NT5DC3: variants seen among roughly 807,000 people sequenced by gnomAD.
NT5DC3 encodes the protein 5'-nucleotidase domain containing 3.
Under a neutral mutation model 67.8 loss-of-function variants are expected in NT5DC3, and 42 were observed. The observed-to-expected ratio is 0.62, with a 90% CI of 0.48 to 0.80. The LOEUF (loss-of-function observed/expected upper bound fraction) is 0.80. Among genes scored for constraint, NT5DC3 ranks in the 30% least tolerant of loss-of-function variants. NT5DC3 has a pLI of 0.00. For missense variants in NT5DC3, 570 were observed against 696.4 expected, an observed-to-expected ratio of 0.82 and a Z score of 2.04; for synonymous variants, 237 against 255.6, an observed-to-expected ratio of 0.93 and a Z score of 0.69.
chr12:103,818,238 T>C (rs1481087685), intron 1 of NT5DC3, among the ~76,000 whole-genome samples: 2 of 152,198 alleles, frequency 1.3e-5, no homozygotes. Context: ...AAGGCACATG[T>C]ATGAACCAAT....
downstream of NT5DC3, among the ~76,000 whole-genome samples, chr12:103,768,109 AT>A (rs1449317157): frequency 3.1e-5 from 4 of 127,124 alleles, no homozygotes; most frequent in South Asian, 4.9e-4. Context: ...AAAAAAAAAA[AT>A]TTAACACTTG....
chr12:103,820,312 A>C (rs1414694993), intron 1 of NT5DC3, among the ~76,000 whole-genome samples: 1 of 152,164 alleles, frequency 6.6e-6, no homozygotes, highest in African/African-American at 2.4e-5. Context: ...TGTTTTAGGA[A>C]CTGCCCTACT....
intron 2 of NT5DC3, among the ~76,000 whole-genome samples, chr12:103,813,860 C>T (rs1240231903): frequency 3.3e-5 from 5 of 152,172 alleles, no homozygotes; most frequent in African/African-American, 1.2e-4. Flanking sequence ...GTCTGGTACT[C>T]GAATGGTTAA....
the NT5DC3 span, chr12:103,758,065 C>T: frequency 2.6e-6 from 4 of 1,530,426 alleles, no homozygotes; most frequent in Non-Finnish European, 3.5e-6. Context: ...AGTTGGCTCA[C>T]ACCATGAATA....
At chr12:103,788,488 G>T (rs1460050842) in intron 10 of NT5DC3, among the ~76,000 whole-genome samples, 1 of 152,140 alleles carries the variant, frequency 6.6e-6, no homozygotes, top group African/African-American at 2.4e-5. Flanking sequence ...TACAAAACAT[G>T]TATTGTCAGA....
At chr12:103,753,100 C>A in the NT5DC3 span, 1 of 1,251,730 alleles carries the variant, frequency 8.0e-7, no homozygotes, top group Admixed American at 2.7e-5. Context: ...GGGAAAGTGG[C>A]TTCTGGAGAC....
chr12:103,836,222 C>T (rs1022014172), intron 1 of NT5DC3, among the ~76,000 whole-genome samples: 19 of 152,170 alleles, frequency 1.2e-4, no homozygotes, highest in Non-Finnish European at 2.6e-4. Context: ...CAAAACCAAT[C>T]ATGCCTTCCC....
At position 103,806,305 on chromosome 12, in the gene NT5DC3, T is replaced by C. The variant is rs1372407797; in HGVS notation, c.524+17A>G. The C allele has an allele frequency of 6.4e-7, 1 of 1,552,286 alleles. No homozygotes were observed. Among genetic ancestry groups the C allele is most frequent in the Admixed American group, 1.7e-5 (1 of 59,916 alleles). ...GGTTACTTCACGTAAATTAAATGTA[T>C]CTCCTCTTACTCTTACCTGTAGACA... On this transcript the variant is annotated intron_variant, in intron 4 of 13. Coordinates refer to ENST00000392876, the MANE Select transcript of NT5DC3 (RefSeq NM_001031701.3).
At chr12:103,813,387 A>G (rs181373874) in intron 2 of NT5DC3, among the ~76,000 whole-genome samples, 102 of 152,336 alleles carry the variant, frequency 6.7e-4, no homozygotes, top group Non-Finnish European at 1.0e-3. Context: ...GTGGTTTTAC[A>G]TCTAGTAAAG....
chr12:103,793,826 A>G, intron 7 of NT5DC3, 111 bp downstream of exon 7: 1 of 831,796 alleles, frequency 1.2e-6, no homozygotes, highest in Middle Eastern at 2.3e-4. Flanking sequence ...GTCCTTACAG[A>G]GCACTCATGC....
the NT5DC3 span, among the ~76,000 whole-genome samples, chr12:103,757,030 TAA>T: frequency 7.0e-6 from 1 of 143,072 alleles, no homozygotes; most frequent in Non-Finnish European, 1.5e-5. Flanking sequence ...TATATATATA[TAA>T]AATATATATA....
rs1004906093 is a variant in NT5DC3 at position 103,841,118 on chromosome 12, G to C, written c.39C>G (p.Ala13=). Residue 13 remains alanine, a synonymous_variant, in exon 1 of 14, where the codon GCC becomes GCG. Transcript: ENST00000392876. The part of the protein sequence containing the change: ...MAAAAVVARG[A]GARAATAAAL... Reference sequence around the variant, plus strand: ...CCGCCGCTGTCGCTGCCCTCGCCCCGGCCCCGCGTGCCACCACCGCCGCCG... The same window carrying C: ...CCGCCGCTGTCGCTGCCCTCGCCCCCGCCCCGCGTGCCACCACCGCCGCCG... 9.7e-7 allele frequency: 1 copy of C among 1,026,802 alleles called. No individual in the cohort carries two copies. Among genetic ancestry groups the C allele is most frequent in the Non-Finnish European group, 1.3e-6 (1 of 782,608 alleles). 63.6% of individuals were successfully genotyped at this position (1,026,802 alleles called of 1,614,324 possible). A position where few individuals can be genotyped will look rare whatever the true frequency, so the allele number is the denominator to read the frequency against.
At position 103,774,268 on chromosome 12, in the gene NT5DC3, T is replaced by C. The variant is rs1236677704; in HGVS notation, c.*3561A>G. ...TTTAAATGTTCAAGCTATTTTTGTT[T>C]GCTTTACAACACAATTTTTTAAATG... On this transcript the variant is annotated 3_prime_UTR_variant, in exon 14 of 14. Transcript: ENST00000392876. 3 of 152,252 alleles carry C rather than the reference T, an allele frequency of 2.0e-5. No individual in the cohort carries two copies. The East Asian group carries it at 5.8e-4, about 29-fold the overall frequency. 9.4% of individuals were successfully genotyped at this position (152,252 alleles called of 1,614,324 possible).
intron 4 of NT5DC3, among the ~76,000 whole-genome samples, chr12:103,799,120 A>G (rs1886450251): frequency 6.6e-6 from 1 of 152,166 alleles, no homozygotes; most frequent in South Asian, 2.1e-4. Context: ...CTCTCACACC[A>G]CTAAAGCACA....
intron 2 of NT5DC3, among the ~76,000 whole-genome samples, chr12:103,813,047 C>A (rs889182888): frequency 6.6e-6 from 1 of 152,220 alleles, no homozygotes; most frequent in Admixed American, 6.5e-5. Flanking sequence ...AGCAGTGAGG[C>A]CTTAGAACCT....
intron 2 of NT5DC3, among the ~76,000 whole-genome samples, chr12:103,807,625 C>G (rs538465608): frequency 6.6e-6 from 1 of 152,324 alleles, no homozygotes; most frequent in South Asian, 2.1e-4. Context: ...ACATGGATTA[C>G]GGTTACTATC....
chr12:103,752,902 A>G, the NT5DC3 span, among the ~76,000 whole-genome samples: 1 of 152,334 alleles, frequency 6.6e-6, no homozygotes, highest in East Asian at 1.9e-4. Flanking sequence ...AAATAAAGTA[A>G]AATTCTAGAA....
chr12:103,785,865 C>T, intron 11 of NT5DC3: 2 of 397,404 alleles, frequency 5.0e-6, no homozygotes, highest in South Asian at 3.9e-5. Flanking sequence ...TGTGCCAGGC[C>T]CTCTGGGTTA....
chr12:103,840,902 C>T, intron 1 of NT5DC3, 47 bp downstream of exon 1: 1 of 1,192,816 alleles, frequency 8.4e-7, no homozygotes, highest in Non-Finnish European at 1.1e-6. Context: ...CAGCTGAGCG[C>T]GCAGGAGGGG....
Sources: allele counts gnomAD v4.1 joint callset (sites outside exome capture counted in the v4.1 genomes callset), GRCh38; gene constraint gnomAD v4.1.1; transcripts MANE v1.5; gene names NCBI Gene and HGNC (gene_info 2026-07-23, HGNC 2026-07-21).